LTBP1: variants seen among roughly 807,000 people sequenced by gnomAD.
The protein encoded by LTBP1 is latent transforming growth factor beta binding protein 1.
In LTBP1, 129 loss-of-function variants were observed where a neutral mutation model predicts 207.6. The observed-to-expected ratio is 0.62, with a 90% CI of 0.54 to 0.72. LTBP1 has a LOEUF of 0.72. LTBP1 is among the 30% of genes least tolerant of loss of function. The pLI is 0.00. For missense variants in LTBP1, 2,281 were observed against 2,217.2 expected (o/e 1.03, Z -0.58); for synonymous variants, 963 against 833.7 (o/e 1.16, Z -2.67).
intron 5 of LTBP1, among the ~76,000 whole-genome samples, chr2:33,138,614 G>C (rs1184573051): frequency 6.6e-6 from 1 of 152,014 alleles, no homozygotes; most frequent in East Asian, 1.9e-4. Context: ...TTTTTAAATT[G>C]TTTATAAAGC....
intron 7 of LTBP1, among the ~76,000 whole-genome samples, chr2:33,208,815 A>C (rs2090073016): frequency 6.7e-6 from 1 of 149,408 alleles, no homozygotes; most frequent in East Asian, 2.0e-4. Context: ...TTTGTGTGGG[A>C]GGTGGGGAGT....
chr2:33,324,034 G>T (rs1485728524), intron 24 of LTBP1, among the ~76,000 whole-genome samples: 1 of 152,094 alleles, frequency 6.6e-6, no homozygotes, highest in Non-Finnish European at 1.5e-5. Flanking sequence ...GTTGATGTGT[G>T]TTGGCAAGTA....
intron 7 of LTBP1, among the ~76,000 whole-genome samples, chr2:33,190,802 A>G (rs2087777349): frequency 6.6e-6 from 1 of 152,230 alleles, no homozygotes; most frequent in Admixed American, 6.5e-5. Flanking sequence ...TCGATCCCAC[A>G]AACACAGCCC....
At chr2:33,223,339 A>G (rs1200955520) in intron 9 of LTBP1, among the ~76,000 whole-genome samples, 1 of 152,242 alleles carries the variant, frequency 6.6e-6, no homozygotes, top group Non-Finnish European at 1.5e-5. Flanking sequence ...AGAAATGCAC[A>G]TACAGTCTGT....
At chr2:33,367,842 A>T (rs1473095761) in intron 31 of LTBP1, among the ~76,000 whole-genome samples, 1 of 152,188 alleles carries the variant, frequency 6.6e-6, no homozygotes, top group African/African-American at 2.4e-5. Context: ...GGGAGGAAGA[A>T]AAACAAATGC....
At chr2:33,382,484 G>T (rs1242624356) in intron 31 of LTBP1, among the ~76,000 whole-genome samples, 2 of 151,964 alleles carry the variant, frequency 1.3e-5, no homozygotes, top group Non-Finnish European at 2.9e-5. Context: ...TAACCTCCTG[G>T]CTACAGATGG....
At chr2:33,350,583 G>C (rs1439345049) in intron 26 of LTBP1, among the ~76,000 whole-genome samples, 2 of 152,126 alleles carry the variant, frequency 1.3e-5, no homozygotes, top group Admixed American at 6.5e-5. Flanking sequence ...AAACTTTCTT[G>C]CTTCCCACAT....
chr2:32,976,844 G>A (rs67722741), intron 2 of LTBP1, among the ~76,000 whole-genome samples: 16,427 of 152,218 alleles, frequency 0.11, 992 homozygotes, highest in African/African-American at 0.12. Flanking sequence ...CCCTGCTTGG[G>A]TACAGCAAAC....
intron 26 of LTBP1, among the ~76,000 whole-genome samples, chr2:33,355,629 A>G (rs995656629): frequency 6.6e-6 from 1 of 151,882 alleles, no homozygotes; most frequent in African/African-American, 2.4e-5. Context: ...GAGCCCCTTC[A>G]TTCATCCATT....
At chr2:33,037,831 C>T (rs564782166) in intron 3 of LTBP1, among the ~76,000 whole-genome samples, 2 of 152,348 alleles carry the variant, frequency 1.3e-5, no homozygotes, top group South Asian at 4.1e-4. Flanking sequence ...AATTCTCCCA[C>T]CTCAGCCACC....
intron 9 of LTBP1, among the ~76,000 whole-genome samples, chr2:33,226,958 T>G (rs1461735830): frequency 6.6e-6 from 1 of 152,214 alleles, no homozygotes; most frequent in Non-Finnish European, 1.5e-5. Context: ...AATTTTTTTG[T>G]TCTTTTCTTT....
intron 9 of LTBP1, 100 bp downstream of exon 9, chr2:33,222,251 A>T (rs935647694): frequency 6.3e-6 from 5 of 787,884 alleles, no homozygotes; most frequent in Non-Finnish European, 1.1e-5. Flanking sequence ...CCAGCCTGTC[A>T]CAGTGAACCA....
At chr2:33,073,347 T>G (rs1345512239) in intron 3 of LTBP1, among the ~76,000 whole-genome samples, 1 of 152,020 alleles carries the variant, frequency 6.6e-6, no homozygotes, top group Non-Finnish European at 1.5e-5. Context: ...TATAAAGGAC[T>G]CTGTGCTTTG....
At chr2:33,355,133 A>G (rs142057326) in intron 26 of LTBP1, among the ~76,000 whole-genome samples, 8 of 152,182 alleles carry the variant, frequency 5.3e-5, no homozygotes, top group East Asian at 1.9e-4. Flanking sequence ...TCATGCATTT[A>G]TCCTCGCAGG....
At chr2:33,048,230 G>A (rs57568) in intron 3 of LTBP1, among the ~76,000 whole-genome samples, 133,762 of 152,216 alleles carry the variant, frequency 0.88, 61,109 homozygotes, top group East Asian at 1. Context: ...GATGAAGAGC[G>A]CTTATTTAGT....
intron 26 of LTBP1, among the ~76,000 whole-genome samples, chr2:33,357,434 A>G (rs2094876893): frequency 6.6e-6 from 1 of 152,220 alleles, no homozygotes; most frequent in Non-Finnish European, 1.5e-5. Flanking sequence ...ATGCTATGTG[A>G]GATAAGAACC....
chr2:33,376,760 C>T (rs559978953), intron 31 of LTBP1, among the ~76,000 whole-genome samples: 4 of 152,110 alleles, frequency 2.6e-5, no homozygotes, highest in Admixed American at 6.5e-5. Flanking sequence ...CACTGAGATT[C>T]CCTAGTAGAT....
intron 3 of LTBP1, among the ~76,000 whole-genome samples, chr2:33,050,737 CTT>C (rs566264169): frequency 7.7e-5 from 11 of 143,300 alleles, no homozygotes; most frequent in Admixed American, 1.4e-4. Flanking sequence ...TTGAAACTCT[CTT>C]TTTTTTTTTT....
chr2:33,014,064 A>G (rs1688019285), intron 2 of LTBP1, among the ~76,000 whole-genome samples: 1 of 152,176 alleles, frequency 6.6e-6, no homozygotes, highest in African/African-American at 2.4e-5. Context: ...ACTCAGAGGG[A>G]AGAGAGAGAA....
Sources: gnomAD v4.1 joint callset for allele counts (sites outside exome capture counted in the v4.1 genomes callset) on GRCh38, gnomAD v4.1.1 for gene constraint, MANE v1.5 for transcripts, NCBI Gene and HGNC (gene_info 2026-07-23, HGNC 2026-07-21) for gene names.